The following PIK3C2G variants were observed in gnomAD, a reference collection of about 807,000 sequenced individuals.
The protein encoded by PIK3C2G is phosphatidylinositol 3-kinase C2 domain-containing subunit gamma.
PIK3C2G carries 168 observed loss-of-function variants against 181.1 expected under a neutral mutation model. The observed-to-expected ratio is 0.93, with a 90% confidence interval of 0.82 to 1.05. PIK3C2G has a LOEUF of 1.05. Ranked by LOEUF, PIK3C2G falls within the 50% of genes least tolerant of loss-of-function variation. The pLI is 0.00. For synonymous variants in PIK3C2G, 573 were observed against 592.2 expected (o/e 0.97, Z 0.47); for missense variants, 1,869 against 1,732.8 (o/e 1.08, Z -1.40).
At chr12:18,318,912 T>C (rs1313982195) in intron 6 of PIK3C2G, among the ~76,000 whole-genome samples, 1 of 151,194 alleles carries the variant, frequency 6.6e-6, no homozygotes, top group Admixed American at 6.6e-5. Context: ...CTGGCCAACA[T>C]AGTGAAACCC....
chr12:18,429,136 C>A (rs1031929527), intron 18 of PIK3C2G, among the ~76,000 whole-genome samples: 3 of 151,988 alleles, frequency 2.0e-5, no homozygotes, highest in Non-Finnish European at 4.4e-5. Context: ...GAATCCAATG[C>A]CAAGTGACCT....
At chr12:18,305,913 T>A (rs917309072) in intron 5 of PIK3C2G, among the ~76,000 whole-genome samples, 8 of 151,784 alleles carry the variant, frequency 5.3e-5, no homozygotes, top group African/African-American at 1.9e-4. Flanking sequence ...GAAAGAAAGT[T>A]ACAGTTTCAC....
intron 3 of PIK3C2G, among the ~76,000 whole-genome samples, chr12:18,287,166 T>C (rs985468883): frequency 6.6e-6 from 1 of 152,194 alleles, no homozygotes; most frequent in African/African-American, 2.4e-5. Context: ...AGTTAAATGT[T>C]TTATAAATTT....
intron 18 of PIK3C2G, among the ~76,000 whole-genome samples, chr12:18,469,959 G>T (rs1938298959): frequency 6.7e-6 from 1 of 149,744 alleles, no homozygotes; most frequent in Non-Finnish European, 1.5e-5. Flanking sequence ...TCTGAGACTG[G>T]TATTACCAAC....
rs1241782502 is a variant in PIK3C2G, at chr12:18,423,977, T to C, written c.2442T>C (p.Pro814=). ...AVKFEWNLES[P]LVQLLLHRSL... is the part of the protein sequence containing the mutation. ...AGTTTGAATGGAACCTTGAGAGTCC[T>C]TTAGTGCAACTTCTACTCCACCGCT... The change falls in exon 18 of 33, where the codon CCT becomes CCC. Residue 814 remains proline (P), a synonymous_variant. Coordinates refer to ENST00000538779, the MANE Select transcript of PIK3C2G (RefSeq NM_001288772.2). 1 of 1,611,592 alleles carries C rather than the reference T, an allele frequency of 6.2e-7. No homozygotes were observed. Among genetic ancestry groups the C allele is most frequent in the Non-Finnish European group, 8.5e-7 (1 of 1,178,692 alleles).
At chr12:18,643,431 T>C (rs1192004062) in intron 32 of PIK3C2G, among the ~76,000 whole-genome samples, 1 of 151,986 alleles carries the variant, frequency 6.6e-6, no homozygotes, top group Admixed American at 6.6e-5. Flanking sequence ...TAAGTGATGA[T>C]TTTAGTAGTA....
upstream of PIK3C2G, among the ~76,000 whole-genome samples, chr12:18,261,380 CT>C (rs1027089536): frequency 2.0e-5 from 3 of 151,066 alleles, no homozygotes; most frequent in East Asian, 1.9e-4. Context: ...AACCTTTTTT[CT>C]TTTTTTTTCC....
intron 18 of PIK3C2G, among the ~76,000 whole-genome samples, chr12:18,484,079 T>G (rs1364823985): frequency 6.6e-6 from 1 of 152,174 alleles, no homozygotes; most frequent in Non-Finnish European, 1.5e-5. Context: ...GACATGAGTA[T>G]AGGTTTCATC....
At chr12:18,466,240 T>A (rs2135956980) in intron 18 of PIK3C2G, among the ~76,000 whole-genome samples, 2 of 151,910 alleles carry the variant, frequency 1.3e-5, no homozygotes, top group South Asian at 2.1e-4. Flanking sequence ...TTTAAAAAGT[T>A]GTTTAAATGT....
At chr12:18,378,249 A>T (rs553982700) in intron 13 of PIK3C2G, among the ~76,000 whole-genome samples, 1 of 152,246 alleles carries the variant, frequency 6.6e-6, no homozygotes, top group East Asian at 1.9e-4. Context: ...CACAAATATA[A>T]CACATTCCAC....
chr12:18,437,371 A>T (rs61914555), intron 18 of PIK3C2G, among the ~76,000 whole-genome samples: 36,228 of 151,908 alleles, frequency 0.24, 4,563 homozygotes, highest in Admixed American at 0.35. Flanking sequence ...CTTGGATATT[A>T]CAATCAAACA....
chr12:18,318,787 AGTT>A (rs1158289339), intron 6 of PIK3C2G, among the ~76,000 whole-genome samples: 1 of 148,902 alleles, frequency 6.7e-6, no homozygotes, highest in Non-Finnish European at 1.5e-5. Flanking sequence ...AGAACAAGAA[AGTT>A]GTTCTAAAAA....
chr12:18,441,802 AG>A (rs1946760089), intron 18 of PIK3C2G, among the ~76,000 whole-genome samples: 1 of 152,180 alleles, frequency 6.6e-6, no homozygotes, highest in African/African-American at 2.4e-5. Context: ...AGATAAAAGT[AG>A]GGGTACAATG....
At chr12:18,490,625 T>C (rs1348561466) in intron 19 of PIK3C2G, among the ~76,000 whole-genome samples, 1 of 152,140 alleles carries the variant, frequency 6.6e-6, no homozygotes, top group Non-Finnish European at 1.5e-5. Flanking sequence ...AGTGAGAACA[T>C]GTGATATTTG....
intron 9 of PIK3C2G, among the ~76,000 whole-genome samples, 179 bp from the exon 10 acceptor site, chr12:18,343,148 T>C (rs1939298309): frequency 6.6e-6 from 1 of 152,100 alleles, no homozygotes; most frequent in Admixed American, 6.6e-5. Flanking sequence ...AAGTTTTTAT[T>C]TCATCATACA....
chr12:18,549,608 C>T (rs973979079), intron 26 of PIK3C2G, among the ~76,000 whole-genome samples: 8 of 152,038 alleles, frequency 5.3e-5, no homozygotes, highest in Non-Finnish European at 8.8e-5. Flanking sequence ...CAGGAATGTG[C>T]TGCTTTGTAA....
intron 14 of PIK3C2G, among the ~76,000 whole-genome samples, chr12:18,390,737 C>T (rs1235275003): frequency 6.6e-6 from 1 of 151,936 alleles, no homozygotes; most frequent in Non-Finnish European, 1.5e-5. Context: ...GCATAATTAC[C>T]AATGTTAAAT....
chr12:18,697,396 C>T, the PIK3C2G span, among the ~76,000 whole-genome samples: 1 of 152,108 alleles, frequency 6.6e-6, no homozygotes, highest in African/African-American at 2.4e-5. Context: ...ATCATGCTCC[C>T]TTATCTAGTC....
intron 31 of PIK3C2G, among the ~76,000 whole-genome samples, chr12:18,621,075 A>T (rs887115826): frequency 6.6e-6 from 1 of 151,990 alleles, no homozygotes; most frequent in East Asian, 1.9e-4. Flanking sequence ...TGTTTTGTAT[A>T]GTTTCTCAAT....
Sources: gnomAD v4.1 joint callset for allele counts (sites outside exome capture counted in the v4.1 genomes callset) on GRCh38, gnomAD v4.1.1 for gene constraint, MANE v1.5 for transcripts, NCBI Gene and HGNC (gene_info 2026-07-23, HGNC 2026-07-21) for gene names.